The following NCMAP variants were observed in gnomAD, a reference collection of about 807,000 sequenced individuals.
NCMAP encodes the protein non-compact myelin associated protein.
A neutral mutation model predicts 7.8 loss-of-function variants in NCMAP; 8 were observed. The observed-to-expected ratio is 1.02, with a 90% CI of 0.60 to 1.84. NCMAP has a LOEUF of 1.84. Among genes scored for constraint, NCMAP ranks in the 40% most tolerant of loss-of-function variants. The pLI, the probability that NCMAP is intolerant of heterozygous loss-of-function variation, is 0.00. For synonymous variants in NCMAP, 41 were observed against 52.9 expected, an observed-to-expected ratio of 0.78 and a Z score of 0.98; for missense variants, 112 against 131.4, an observed-to-expected ratio of 0.85 and a Z score of 0.72.
chr1:24,604,573 TAAAAAAAAAAAAAAAA>T (rs1159689184), intron 3 of NCMAP, among the ~76,000 whole-genome samples: 25 of 11,052 alleles, frequency 2.3e-3, no homozygotes, highest in Non-Finnish European at 3.4e-3. Context: ...TAAGACTGTC[TAAAAAAAAAAAAAAAA>T]AAAAAAAAAA....
rs1489991399 is a variant in NCMAP, at chr1:24,606,122, CA to C, written c.*376del. Reference sequence around the variant, plus strand: ...CTGAGAGTATCACAATAGGATCTGTCACGGGGTTCATATCAGATGAAGCGCC... The same window carrying C: ...CTGAGAGTATCACAATAGGATCTGTCCGGGGTTCATATCAGATGAAGCGCC... On this transcript the variant is annotated 3_prime_UTR_variant, in exon 4 of 4. Coordinates refer to ENST00000374392, the MANE Select transcript of NCMAP (RefSeq NM_001010980.5). 7 of 192,858 alleles carry C rather than the reference CA, an allele frequency of 3.6e-5. No homozygotes were observed. The highest frequency in any genetic ancestry group is 7.4e-5 in the Non-Finnish European group (7 of 94,078). 11.9% of individuals were successfully genotyped at this position (192,858 alleles called of 1,614,324 possible).
intron 1 of NCMAP, among the ~76,000 whole-genome samples, chr1:24,573,958 A>AAAAAAAAAAAAAAAAAAAAAAAAAC: frequency 1.1e-5 from 1 of 91,920 alleles, no homozygotes; most frequent in Non-Finnish European, 2.5e-5. Flanking sequence ...AGGACAAAAA[A>AAAAAAAAAAAAAAAAAAAAAAAAAC]AAAAAAAAAA....
At chr1:24,560,933 A>AC (rs1342712147) in intron 1 of NCMAP, among the ~76,000 whole-genome samples, 2 of 151,520 alleles carry the variant, frequency 1.3e-5, no homozygotes, top group Non-Finnish European at 1.5e-5. Context: ...GCCCTTTAAC[A>AC]CCCCCAGAGA....
In NCMAP at chr1:24,605,598, C is replaced by G. The variant is rs924505421; in HGVS notation, c.168-8C>G. 3.7e-6 allele frequency: 6 copies of G among 1,614,012 alleles called. No homozygotes were observed. The highest frequency in any genetic ancestry group is 2.2e-5 in the East Asian group (1 of 44,900). Reference sequence around the variant, plus strand: ...AGACTCAACCATGTGCACATTATCTCCCTACAGGAAAATGAGGACGAGGCG... The same window carrying G: ...AGACTCAACCATGTGCACATTATCTGCCTACAGGAAAATGAGGACGAGGCG... On this transcript the variant is annotated splice_region_variant and splice_polypyrimidine_tract_variant and intron_variant, in intron 3 of 3. Transcript: ENST00000374392.
intron 1 of NCMAP, among the ~76,000 whole-genome samples, chr1:24,588,435 G>A (rs1470692697): frequency 6.6e-6 from 1 of 152,176 alleles, no homozygotes; most frequent in Non-Finnish European, 1.5e-5. Flanking sequence ...TGAGTTACAG[G>A]TGGTCAATTG....
intron 1 of NCMAP, among the ~76,000 whole-genome samples, chr1:24,593,398 T>G (rs1165258139): frequency 1.3e-5 from 2 of 151,878 alleles, no homozygotes; most frequent in Admixed American, 1.3e-4. Context: ...GAGGCTGAAG[T>G]GGGAGGATTA....
intron 1 of NCMAP, among the ~76,000 whole-genome samples, chr1:24,579,575 C>T (rs538793230): frequency 6.6e-6 from 1 of 152,112 alleles, no homozygotes; most frequent in South Asian, 2.1e-4. Context: ...CTCTACAAAA[C>T]TAAAAATTAA....
chr1:24,585,478 G>T (rs1651856508), intron 1 of NCMAP, among the ~76,000 whole-genome samples: 2 of 152,168 alleles, frequency 1.3e-5, no homozygotes, highest in African/African-American at 4.8e-5. Flanking sequence ...TATCTACAAA[G>T]AAGAATAAGC....
At chr1:24,585,432 A>C (rs1651855166) in intron 1 of NCMAP, among the ~76,000 whole-genome samples, 1 of 152,168 alleles carries the variant, frequency 6.6e-6, no homozygotes. Context: ...TGATGTGCTC[A>C]CGCTGACTTC....
chr1:24,574,785 C>T (rs1651496137), intron 1 of NCMAP, among the ~76,000 whole-genome samples: 1 of 150,838 alleles, frequency 6.6e-6, no homozygotes, highest in Admixed American at 6.6e-5. Flanking sequence ...GTAGACAAGG[C>T]CCGCAATACT....
In NCMAP at chr1:24,605,924, C is replaced by G. The variant is rs1330238677; in HGVS notation, c.*177C>G. ...TCAACCTTGTCTGCCCTGCCCTACC[C>G]CAACTGTGTCCACATCCCTGCCGCC... On this transcript the variant is annotated 3_prime_UTR_variant, in exon 4 of 4. Coordinates refer to ENST00000374392, the MANE Select transcript of NCMAP (RefSeq NM_001010980.5). 1 of 678,876 alleles carries G rather than the reference C, an allele frequency of 1.5e-6. No individual in the cohort carries two copies. The highest frequency in any genetic ancestry group is 2.4e-6 in the Non-Finnish European group (1 of 417,974). 42.1% of individuals were successfully genotyped at this position (678,876 alleles called of 1,614,324 possible). A position where few individuals can be genotyped will look rare whatever the true frequency, so the allele number is the denominator to read the frequency against.
chr1:24,590,395 G>A (rs1299074599), intron 1 of NCMAP, among the ~76,000 whole-genome samples: 1 of 152,096 alleles, frequency 6.6e-6, no homozygotes. Flanking sequence ...GTATTTAAAA[G>A]GAATTGTATG....
chr1:24,567,894 CT>C (rs1362142404), intron 1 of NCMAP, among the ~76,000 whole-genome samples: 1 of 151,972 alleles, frequency 6.6e-6, no homozygotes, highest in East Asian at 1.9e-4. Flanking sequence ...GTGGCGGGGG[CT>C]GAAGTGTAAA....
chr1:24,603,252 T>A (rs60648065), intron 3 of NCMAP, among the ~76,000 whole-genome samples: 8,184 of 152,062 alleles, frequency 0.054, 748 homozygotes, highest in African/African-American at 0.19. Context: ...CTAAATCATA[T>A]GCCCAAGGTT....
intron 3 of NCMAP, among the ~76,000 whole-genome samples, chr1:24,603,021 C>T (rs1652563058): frequency 6.6e-6 from 1 of 151,790 alleles, no homozygotes; most frequent in African/African-American, 2.4e-5. Flanking sequence ...GCCTGGATGA[C>T]AATGTGAGAC....
At chr1:24,583,717 G>GA (rs71032830) in intron 1 of NCMAP, among the ~76,000 whole-genome samples, 18,795 of 103,580 alleles carry the variant, frequency 0.18, 1,790 homozygotes, top group East Asian at 0.24. Flanking sequence ...CTCCGTCTCA[G>GA]AAAAAAAAAA....
intron 1 of NCMAP, among the ~76,000 whole-genome samples, chr1:24,572,935 T>C (rs1295932982): frequency 6.6e-6 from 1 of 150,680 alleles, no homozygotes; most frequent in African/African-American, 2.5e-5. Context: ...TCAGTGACCC[T>C]GGGTGTGAAG....
chr1:24,575,805 C>T (rs1342667695), intron 1 of NCMAP, among the ~76,000 whole-genome samples: 1 of 147,874 alleles, frequency 6.8e-6, no homozygotes, highest in East Asian at 2.0e-4. Flanking sequence ...ATTAGCCGGG[C>T]GTGGTGGCAT....
chr1:24,573,952 C>CAAAAAAAAAAAAAAAAGAAAAA (rs1651466959), intron 1 of NCMAP, among the ~76,000 whole-genome samples: 1 of 84,454 alleles, frequency 1.2e-5, no homozygotes, highest in Non-Finnish European at 2.2e-5. Flanking sequence ...CCAGAGAGGA[C>CAAAAAAAAAAAAAAAAGAAAAA]AAAAAAAAAA....
Sources: gnomAD v4.1 joint callset for allele counts (sites outside exome capture counted in the v4.1 genomes callset) on GRCh38, gnomAD v4.1.1 for gene constraint, MANE v1.5 for transcripts, NCBI Gene and HGNC (gene_info 2026-07-23, HGNC 2026-07-21) for gene names.